Variants in NASP observed in about 807,000 individuals in gnomAD.
NASP encodes nuclear autoantigenic sperm protein.
In NASP, 24 loss-of-function variants were observed where a neutral mutation model predicts 89.5. That is an observed-to-expected ratio of 0.27 (90% confidence interval 0.19 to 0.38). The LOEUF (loss-of-function observed/expected upper bound fraction) is 0.38, where lower values mean the gene tolerates loss of function less well. NASP is among the 10% of genes least tolerant of loss of function. The probability of loss-of-function intolerance (pLI) is 1.00; values close to 1 mark genes in which losing one functional copy is unlikely to be tolerated. For missense variants in NASP, 848 were observed against 921.4 expected, an observed-to-expected ratio of 0.92 and a Z score of 1.03; for synonymous variants, 306 against 324.7, an observed-to-expected ratio of 0.94 and a Z score of 0.62.
rs190168802 is a variant in NASP at position 45,607,212 on chromosome 1, C to A, written c.410-109C>A. Reference sequence around the variant, plus strand: ...ATAATTTTTAGGCCATCTGCTGAAACTTGGTAGGCTTTTTGAGGGTTTAAA... The same window carrying A: ...ATAATTTTTAGGCCATCTGCTGAAAATTGGTAGGCTTTTTGAGGGTTTAAA... On this transcript the variant is annotated intron_variant, in intron 5 of 14. Transcript: ENST00000350030. 4.4e-5 allele frequency: 52 copies of A among 1,172,772 alleles called. No homozygotes were observed. In the East Asian group the frequency reaches 1.3e-3, roughly 29 times the overall value. The allele number at this position is 1,172,772 out of a possible 1,614,324, so 72.6% of individuals were successfully genotyped here. A position where few individuals can be genotyped will look rare whatever the true frequency, so the allele number is the denominator to read the frequency against.
intron 1 of NASP, among the ~76,000 whole-genome samples, chr1:45,587,462 A>G (rs1644569220): frequency 6.6e-6 from 1 of 151,610 alleles, no homozygotes; most frequent in African/African-American, 2.4e-5. Context: ...ATGATTTAAT[A>G]CTGCATCTTT....
intron 1 of NASP, among the ~76,000 whole-genome samples, chr1:45,585,966 T>C (rs1241755745): frequency 2.6e-5 from 4 of 152,146 alleles, no homozygotes; most frequent in Non-Finnish European, 5.9e-5. Flanking sequence ...TTTTTTGAGG[T>C]AGAAGTATGC....
intron 2 of NASP, among the ~76,000 whole-genome samples, chr1:45,593,711 G>A (rs1643612380): frequency 1.3e-5 from 2 of 150,474 alleles, no homozygotes; most frequent in Non-Finnish European, 3.0e-5. Flanking sequence ...TAAGTCTTAT[G>A]AAATACTGCT....
chr1:45,614,754 G>A (rs542604372), intron 9 of NASP, among the ~76,000 whole-genome samples: 1 of 151,908 alleles, frequency 6.6e-6, no homozygotes, highest in African/African-American at 2.4e-5. Context: ...GGCCAGGCTG[G>A]TCTTGAACTC....
At chr1:45,592,042 C>T (rs1643562738) in intron 2 of NASP, among the ~76,000 whole-genome samples, 1 of 152,204 alleles carries the variant, frequency 6.6e-6, no homozygotes, top group Admixed American at 6.5e-5. Flanking sequence ...GGCTGGAGTG[C>T]AGTGGCGCAA....
At chr1:45,597,298 CTT>C (rs71056314) in intron 2 of NASP, among the ~76,000 whole-genome samples, 1 of 99,864 alleles carries the variant, frequency 1.0e-5, no homozygotes. Context: ...CAGAGCAAGA[CTT>C]TTTTTTTTTT....
Position 45,607,552 on chromosome 1 carries a change from A to G in NASP, c.641A>G (p.Lys214Arg), listed in dbSNP as rs924499416. 6 of 1,613,932 alleles carry G rather than the reference A, an allele frequency of 3.7e-6. No individual in the cohort carries two copies. The highest frequency in any genetic ancestry group is 4.2e-6 in the Non-Finnish European group (5 of 1,179,940). ...TTAACTGAAACCTCTGAAGAGGCAA[A>G]AGGAGGAGCAGCACCAGAAGGACCG... ...DWLTETSEEAKGGAAPEGPNE... is the reference protein window; with the variant it reads ...DWLTETSEEARGGAAPEGPNE... The change falls in exon 6 of 15, where the codon AAA becomes AGA. Residue 214 changes from lysine to arginine, a missense_variant. Physicochemically the swap from Lys to Arg is conservative, Grantham distance 26. This residue lies in a region of NASP where 464 missense variants were observed against 469.4 expected (regional missense o/e 0.99). Coordinates refer to ENST00000350030, the MANE Select transcript of NASP (RefSeq NM_002482.4).
intron 7 of NASP, 37 bp downstream of exon 7, chr1:45,613,285 T>C: frequency 3.2e-6 from 5 of 1,576,156 alleles, no homozygotes; most frequent in Non-Finnish European, 4.3e-6. Context: ...TGTCAGCCTT[T>C]TTCTGTTTTT....
chr1:45,616,222 C>A, intron 11 of NASP, 115 bp from the exon 12 acceptor site: 1 of 929,046 alleles, frequency 1.1e-6, no homozygotes, highest in Non-Finnish European at 1.8e-6. Context: ...TATATGGAGG[C>A]CACTAGCATT....
intron 2 of NASP, among the ~76,000 whole-genome samples, chr1:45,593,485 A>AT (rs1290573980): frequency 3.6e-5 from 5 of 140,706 alleles, no homozygotes; most frequent in African/African-American, 1.3e-4. Context: ...TTGAGCCAAG[A>AT]TTGTGCCACT....
intron 14 of NASP, 35 bp downstream of exon 14, chr1:45,617,626 A>G (rs1222413974): frequency 2.6e-6 from 4 of 1,540,246 alleles, no homozygotes; most frequent in Middle Eastern, 3.5e-4. Context: ...CTCTTGCCTC[A>G]TTCCTTGTTC....
chr1:45,613,014 C>A, intron 6 of NASP, 155 bp from the exon 7 acceptor site: 1 of 1,055,530 alleles, frequency 9.5e-7, no homozygotes. Context: ...CTAGACTGCA[C>A]CCACTGACGA....
In NASP at chr1:45,613,143, C is replaced by T. The variant is rs752802943; in HGVS notation, c.1427-26C>T. 21 of 1,595,688 alleles carry T rather than the reference C, an allele frequency of 1.3e-5. No homozygotes were observed. The South Asian group carries it at 2.4e-4, about 18-fold the overall frequency. Reference sequence around the variant, plus strand: ...CAGAATACGTTCTTAGTTATATTCTCAATACTGAGGAATTTTTACTTGTAG... The same window carrying T: ...CAGAATACGTTCTTAGTTATATTCTTAATACTGAGGAATTTTTACTTGTAG... On this transcript the variant is annotated intron_variant, in intron 6 of 14. Transcript: ENST00000350030.
intron 3 of NASP, among the ~76,000 whole-genome samples, chr1:45,603,434 A>G (rs940663027): frequency 3.9e-5 from 6 of 152,138 alleles, no homozygotes; most frequent in Non-Finnish European, 8.8e-5. Context: ...CTTAATATCA[A>G]TCCATTCTTT....
At chr1:45,588,680 C>T (rs1165454746) in intron 1 of NASP, 1 of 440,554 alleles carries the variant, frequency 2.3e-6, no homozygotes, top group East Asian at 7.8e-5. Flanking sequence ...TGGCTCACAC[C>T]TGTAATCCAG....
intron 11 of NASP, chr1:45,615,675 C>A: frequency 1.9e-6 from 1 of 532,858 alleles, no homozygotes; most frequent in Non-Finnish European, 3.3e-6. Flanking sequence ...TACGTGTGGC[C>A]ATGGGCCTTT....
At chr1:45,592,357 C>T (rs1320318140) in intron 2 of NASP, among the ~76,000 whole-genome samples, 1 of 152,202 alleles carries the variant, frequency 6.6e-6, no homozygotes, top group Non-Finnish European at 1.5e-5. Context: ...AAGCAATCCC[C>T]CTGCCTTGGC....
intron 4 of NASP, among the ~76,000 whole-genome samples, chr1:45,606,026 T>TC (rs1467110230): frequency 3.9e-5 from 6 of 152,324 alleles, no homozygotes; most frequent in Middle Eastern, 3.4e-3. Context: ...TCTGCCTGCC[T>TC]CCACCTCCCA....
intron 1 of NASP, chr1:45,588,835 T>G (rs1644596637): frequency 4.0e-6 from 1 of 251,292 alleles, no homozygotes; most frequent in African/African-American, 2.4e-5. Flanking sequence ...GAGAATGGCG[T>G]GAACCCGGGA....
Sources: gnomAD v4.1 joint callset for allele counts (sites outside exome capture counted in the v4.1 genomes callset) on GRCh38, gnomAD v4.1.1 for gene constraint, gnomAD v4.1.1 regional missense constraint, MANE v1.5 for transcripts, NCBI Gene and HGNC (gene_info 2026-07-23, HGNC 2026-07-21) for gene names.